The following ACOT11 variants were observed in gnomAD, a reference collection of about 807,000 sequenced individuals.
The protein encoded by ACOT11 is acyl-CoA thioesterase 11, also known as acyl-coenzyme A thioesterase 11.
ACOT11 carries 69 observed loss-of-function variants against 77.5 expected under a neutral mutation model. The ratio of observed to expected loss-of-function variants is 0.89; its 90% CI spans 0.73 to 1.09. The LOEUF is 1.09. Ranked by LOEUF, ACOT11 falls within the 50% of genes least tolerant of loss-of-function variation. ACOT11 has a pLI of 0.00. For missense variants in ACOT11, 766 were observed against 813.7 expected (o/e 0.94, Z 0.71); for synonymous variants, 279 against 313.0 (o/e 0.89, Z 1.15).
chr1:54,612,420 C>CT (rs966107943), downstream of ACOT11: 4 of 1,194,580 alleles, frequency 3.3e-6, no homozygotes, highest in African/African-American at 4.5e-5. Flanking sequence ...CAGCCATGAG[C>CT]TTCTGGGATC....
chr1:54,569,197 A>C (rs948559829), intron 1 of ACOT11, among the ~76,000 whole-genome samples: 1 of 151,594 alleles, frequency 6.6e-6, no homozygotes, highest in Non-Finnish European at 1.5e-5. Flanking sequence ...CCTGGCTTCA[A>C]GCAATCCTCC....
intron 13 of ACOT11, 69 bp downstream of exon 13, chr1:54,605,278 C>T: frequency 6.4e-7 from 1 of 1,551,374 alleles, no homozygotes; most frequent in Non-Finnish European, 8.7e-7. Context: ...GTGTCTCCTT[C>T]TGCGGGTCAT....
At position 54,594,620 on chromosome 1, in the gene ACOT11, A is replaced by T. The variant is rs1480286567; in HGVS notation, c.536A>T (p.Glu179Val). ...EEKMEHSVAA[E>V]RRRMRLVYAD... ...AAGATGGAGCACAGTGTGGCGGCTG[A>T]GCGCCGGCGCATGCGCCTTGTCTAT... Residue 179 changes from glutamate (E) to valine (V), a missense_variant, in exon 6 of 16, where the codon GAG becomes GTG. Coordinates refer to ENST00000343744, the MANE Select transcript of ACOT11 (RefSeq NM_147161.4). 1 of 1,614,122 alleles carries T rather than the reference A, an allele frequency of 6.2e-7. No homozygotes were observed. The highest frequency in any genetic ancestry group is 8.5e-7 in the Non-Finnish European group (1 of 1,180,008).
rs749764973 is a variant in ACOT11 at position 54,607,939 on chromosome 1, C to T, written c.1503-3C>T. ...GTCCCCTTGCTACCCTTCCTTCACT[C>T]AGGGACCCCTATGTCATCGCGCTGA... On this transcript the variant is annotated splice_polypyrimidine_tract_variant and splice_region_variant and intron_variant, in intron 14 of 15. Transcript: ENST00000343744. The surrounding 1 kb of genome is among the most constrained non-coding windows in gnomAD (Gnocchi z 4.5). The T allele has an allele frequency of 1.4e-5, 23 of 1,613,766 alleles. No individual in the cohort carries two copies. Among genetic ancestry groups the T allele is most frequent in the Middle Eastern group, 1.6e-4 (1 of 6,080 alleles).
At chr1:54,600,971 A>G (rs1643954009) in intron 8 of ACOT11, among the ~76,000 whole-genome samples, 1 of 152,202 alleles carries the variant, frequency 6.6e-6, no homozygotes, top group South Asian at 2.1e-4. Flanking sequence ...AGGGCCGGAC[A>G]CACACAAGAG....
intron 1 of ACOT11, chr1:54,582,657 C>T (rs1455236203): frequency 3.6e-5 from 14 of 387,366 alleles, no homozygotes; most frequent in East Asian, 1.6e-4. Context: ...GGACTGTGCC[C>T]GTGTTCCCTT....
At chr1:54,600,574 T>A (rs2100998665) in intron 8 of ACOT11, among the ~76,000 whole-genome samples, 1 of 152,250 alleles carries the variant, frequency 6.6e-6, no homozygotes, top group Middle Eastern at 3.4e-3. Context: ...TCCCAGCTAC[T>A]CAGGAGGCTG....
At chr1:54,560,923 A>C (rs927612234) in intron 1 of ACOT11, among the ~76,000 whole-genome samples, 3 of 151,898 alleles carry the variant, frequency 2.0e-5, no homozygotes, top group Admixed American at 6.6e-5. Context: ...GGGTTTCACC[A>C]TGTTGGCCAG....
chr1:54,633,986 G>A (rs780168198), intron 16 of ACOT11, among the ~76,000 whole-genome samples: 13 of 152,226 alleles, frequency 8.5e-5, no homozygotes, highest in Non-Finnish European at 1.0e-4. Context: ...ACAGGACTTA[G>A]TAGGGTGGCT....
chr1:54,622,416 A>G (rs1004508834), intron 15 of ACOT11, among the ~76,000 whole-genome samples: 1 of 152,068 alleles, frequency 6.6e-6, no homozygotes, highest in Admixed American at 6.5e-5. Context: ...CGTCTGTACT[A>G]AAAATACAAA....
At chr1:54,623,927 C>A (rs977574889) in intron 15 of ACOT11, among the ~76,000 whole-genome samples, 9 of 152,358 alleles carry the variant, frequency 5.9e-5, no homozygotes, top group Non-Finnish European at 1.3e-4. Flanking sequence ...AGGGTGGTGA[C>A]AAAGACAGAT....
At chr1:54,602,159 G>A (rs1191169044) in intron 9 of ACOT11, among the ~76,000 whole-genome samples, 1 of 152,202 alleles carries the variant, frequency 6.6e-6, no homozygotes, top group Non-Finnish European at 1.5e-5. Flanking sequence ...CGGTAAAGAG[G>A]GTGGGCTTGA....
intron 12 of ACOT11, among the ~76,000 whole-genome samples, chr1:54,604,712 A>G (rs1158500938): frequency 6.6e-6 from 1 of 152,056 alleles, no homozygotes; most frequent in East Asian, 1.9e-4. Flanking sequence ...GTTCTTCTGC[A>G]GTGATCACTG....
intron 1 of ACOT11, among the ~76,000 whole-genome samples, chr1:54,562,502 C>CG (rs1653558825): frequency 1.0e-5 from 1 of 97,078 alleles, no homozygotes. Flanking sequence ...GCTGACCCCC[C>CG]CACCTCCCTC....
At position 54,609,676 on chromosome 1, in the gene ACOT11, C is replaced by G; in HGVS notation, c.*564C>G. 6.2e-7 allele frequency: 1 copy of G among 1,614,012 alleles called. No individual in the cohort carries two copies. On this transcript the variant is annotated 3_prime_UTR_variant, in exon 16 of 16. Coordinates refer to ENST00000343744, the MANE Select transcript of ACOT11 (RefSeq NM_147161.4). ...CCACATGGCCGGGGACCGAAAAACTCCCGTGGGAGATTTTGGCCCCAACCC... is the reference window on the plus strand; with the variant it reads ...CCACATGGCCGGGGACCGAAAAACTGCCGTGGGAGATTTTGGCCCCAACCC...
intron 6 of ACOT11, among the ~76,000 whole-genome samples, chr1:54,596,922 T>A (rs548883499): frequency 2.0e-5 from 3 of 152,266 alleles, no homozygotes; most frequent in African/African-American, 7.2e-5. Flanking sequence ...CTTCAAACAG[T>A]CCTATCGGGT....
intron 6 of ACOT11, 142 bp downstream of exon 6, chr1:54,594,833 C>T (rs920708701): frequency 1.4e-5 from 17 of 1,202,996 alleles, no homozygotes; most frequent in Middle Eastern, 3.0e-4. Flanking sequence ...TCCTAGCCCT[C>T]TTGGCTCCGA....
At chr1:54,563,800 C>A (rs1032922959) in intron 1 of ACOT11, among the ~76,000 whole-genome samples, 1 of 152,128 alleles carries the variant, frequency 6.6e-6, no homozygotes, top group Non-Finnish European at 1.5e-5. Context: ...TGGCTCATGC[C>A]TGTAATCCCA....
chr1:54,565,288 C>A (rs1001907070), intron 1 of ACOT11, among the ~76,000 whole-genome samples: 1 of 152,208 alleles, frequency 6.6e-6, no homozygotes, highest in Non-Finnish European at 1.5e-5. Flanking sequence ...ATCCACAGGT[C>A]GGAAACCACT....
Sources: allele counts gnomAD v4.1 joint callset (sites outside exome capture counted in the v4.1 genomes callset), GRCh38; gene constraint gnomAD v4.1.1; non-coding constraint Gnocchi (gnomAD v3.1); transcripts MANE v1.5; gene names NCBI Gene and HGNC (gene_info 2026-07-23, HGNC 2026-07-21).